FBXO42: variants seen among roughly 807,000 people sequenced by gnomAD.
FBXO42 encodes F-box protein 42, also known as F-box only protein 42.
In FBXO42, 12 loss-of-function variants were observed where a neutral mutation model predicts 71.7. The observed-to-expected ratio is 0.17, with a 90% confidence interval of 0.11 to 0.27. FBXO42 has a LOEUF of 0.27. FBXO42 is among the 10% of genes least tolerant of loss of function. FBXO42 has a pLI of 1.00. For synonymous variants in FBXO42, 325 were observed against 327.5 expected, an observed-to-expected ratio of 0.99 and a Z score of 0.08; for missense variants, 707 against 911.9, an observed-to-expected ratio of 0.78 and a Z score of 2.89.
intron 7 of FBXO42, chr1:16,253,357 G>T: frequency 3.3e-6 from 2 of 600,800 alleles, no homozygotes; most frequent in South Asian, 4.3e-5. Context: ...TACATTCTTT[G>T]TTGATCAAAT....
chr1:16,277,374 CT>C (rs910747790), intron 4 of FBXO42, among the ~76,000 whole-genome samples: 1 of 151,444 alleles, frequency 6.6e-6, no homozygotes, highest in East Asian at 1.9e-4. Flanking sequence ...ATACATCATT[CT>C]TTTTTTTTCT....
At chr1:16,274,322 A>AAAAAG (rs542819955) in intron 4 of FBXO42, among the ~76,000 whole-genome samples, 3 of 152,076 alleles carry the variant, frequency 2.0e-5, no homozygotes, top group Admixed American at 6.6e-5. Flanking sequence ...AACACAAAAA[A>AAAAAG]AAAAGAAAAG....
In FBXO42 at chr1:16,253,446, G is replaced by A. The variant is rs1336225392; in HGVS notation, c.864+189C>T. 4 of 606,572 alleles carry A rather than the reference G, an allele frequency of 6.6e-6. No individual in the cohort carries two copies. The East Asian group carries it at 8.5e-5, about 13-fold the overall frequency. 37.6% of individuals were successfully genotyped at this position (606,572 alleles called of 1,614,324 possible). A position where few individuals can be genotyped will look rare whatever the true frequency, so the allele number is the denominator to read the frequency against. ...AGCAAAGTAAATGCTTTGGGGAGGA[G>A]CATAATATAAAACCACTATAAATAA... is the stretch of plus-strand genomic sequence containing the variant. On this transcript the variant is annotated intron_variant, in intron 7 of 9. Transcript: ENST00000375592.
chr1:16,328,193 A>G (rs1373635751), intron 1 of FBXO42, among the ~76,000 whole-genome samples: 1 of 152,116 alleles, frequency 6.6e-6, no homozygotes, highest in East Asian at 1.9e-4. Context: ...AAAACCACTT[A>G]CTCAGGAGGC....
intron 4 of FBXO42, among the ~76,000 whole-genome samples, chr1:16,288,249 G>C (rs1007988764): frequency 6.6e-6 from 1 of 151,764 alleles, no homozygotes; most frequent in Non-Finnish European, 1.5e-5. Context: ...GGCCAACATG[G>C]TGAAACCCCA....
At chr1:16,269,777 G>A (rs1432381660) in intron 4 of FBXO42, among the ~76,000 whole-genome samples, 1 of 151,846 alleles carries the variant, frequency 6.6e-6, no homozygotes, top group Non-Finnish European at 1.5e-5. Flanking sequence ...CGCCTACCTC[G>A]GCCTCCCAAA....
chr1:16,335,063 C>CAAAAAAAAAA (rs55983316), intron 1 of FBXO42, among the ~76,000 whole-genome samples: 13 of 69,024 alleles, frequency 1.9e-4, no homozygotes, highest in East Asian at 9.0e-4. Context: ...CTCGTCTGTA[C>CAAAAAAAAAA]AAAAAAAAAA....
chr1:16,347,201 G>GAA (rs1347301692), intron 1 of FBXO42, among the ~76,000 whole-genome samples: 4 of 152,040 alleles, frequency 2.6e-5, no homozygotes, highest in Non-Finnish European at 5.9e-5. Context: ...GCAAAACACT[G>GAA]GAAAAAATTA....
Position 16,255,840 on chromosome 1 carries a change from A to T in FBXO42, c.657-19T>A. 1 of 1,585,160 alleles carries T rather than the reference A, an allele frequency of 6.3e-7. No individual in the cohort carries two copies. ...GTTCCACCTAATGTAAAAAGACAGG[A>T]GGAAGTCAAGAAGTCAGCACCACAC... On this transcript the variant is annotated intron_variant, in intron 5 of 9. Coordinates refer to ENST00000375592, the MANE Select transcript of FBXO42 (RefSeq NM_018994.3).
intron 4 of FBXO42, among the ~76,000 whole-genome samples, chr1:16,263,237 C>T (rs1003713700): frequency 5.3e-5 from 8 of 150,222 alleles, no homozygotes; most frequent in African/African-American, 9.8e-5. Context: ...CTGAGGCGGG[C>T]GGATCACGAG....
chr1:16,351,997 G>A (rs1322913991), intron 1 of FBXO42, among the ~76,000 whole-genome samples: 1 of 152,116 alleles, frequency 6.6e-6, no homozygotes, highest in Non-Finnish European at 1.5e-5. Flanking sequence ...CCCGGGTGAG[G>A]GGACGAGAAC....
intron 1 of FBXO42, among the ~76,000 whole-genome samples, chr1:16,334,501 A>C (rs1234092159): frequency 1.3e-5 from 2 of 152,096 alleles, no homozygotes; most frequent in Non-Finnish European, 2.9e-5. Flanking sequence ...CTTGGAGCAA[A>C]AGGCCAGTGA....
chr1:16,251,386 G>C lies in FBXO42; in HGVS notation c.1438C>G (p.Leu480Val), dbSNP rs565038782. 1 of 1,614,114 alleles carries C rather than the reference G, an allele frequency of 6.2e-7. No homozygotes were observed. The highest frequency in any genetic ancestry group is 1.1e-5 in the South Asian group (1 of 91,082). The change falls in exon 10 of 10, where the codon CTT (leucine) becomes GTT (valine). Residue 480 changes from leucine (L) to valine (V), a missense_variant. Around this residue, in one of 5 missense-constraint regions of FBXO42, gnomAD observed 482 missense variants for 587.1 expected, o/e 0.82. Transcript: ENST00000375592. The surrounding 1 kb of genome is among the most constrained non-coding windows in gnomAD (Gnocchi z 4.5). Reference sequence around the variant, plus strand: ...GATCCTCGTCGGGGGGCCAAAGAAAGTCCTATTTTCAGGTCGTATCCTTCA... The same window carrying C: ...GATCCTCGTCGGGGGGCCAAAGAAACTCCTATTTTCAGGTCGTATCCTTCA... ...APEGYDLKIG[L>V]SLAPRRGSLP...
chr1:16,274,186 A>G (rs6680049), intron 4 of FBXO42, among the ~76,000 whole-genome samples: 52,914 of 149,982 alleles, frequency 0.35, 9,686 homozygotes, highest in African/African-American at 0.41. Context: ...TGCATCTGCA[A>G]TCCCAGCTAC....
At position 16,251,513 on chromosome 1, in the gene FBXO42, A is replaced by G. The variant is rs2081591462; in HGVS notation, c.1311T>C (p.Pro437=). 2 of 1,614,042 alleles carry G rather than the reference A, an allele frequency of 1.2e-6. No individual in the cohort carries two copies. Among genetic ancestry groups the G allele is most frequent in the East Asian group, 2.2e-5 (1 of 44,892 alleles). ...SLSPARGDGS[P]ILNGGSLSPG... The stretch of plus-strand genomic sequence containing the variant: ...GAGACAAACTCCCACCATTGAGGAT[A>G]GGAGAGCCGTCTCCTCTGGCTGGGG... Residue 437 remains proline, a synonymous_variant, in exon 10 of 10, where the codon CCT becomes CCC. Transcript: ENST00000375592. The surrounding 1 kb of genome is among the most constrained non-coding windows in gnomAD (Gnocchi z 4.5).
chr1:16,349,055 T>C (rs1478060975), intron 1 of FBXO42, among the ~76,000 whole-genome samples: 1 of 152,190 alleles, frequency 6.6e-6, no homozygotes, highest in Non-Finnish European at 1.5e-5. Flanking sequence ...CCAAGACTGC[T>C]GGATTTTTGA....
Position 16,297,824 on chromosome 1 carries a change from G to A in FBXO42, c.368-2907C>T, listed in dbSNP as rs561124560. ...GGAGCTTGCAGTGAGCCAAGATCCC[G>A]CCACCGCACTCCAGCCTGGGCGACA... On this transcript the variant is annotated intron_variant, in intron 3 of 9. Transcript: ENST00000375592. Among the ~76,000 whole-genome samples, 13 of 142,906 alleles carry A rather than the reference G, an allele frequency of 9.1e-5. No individual in the cohort carries two copies. In the South Asian group the frequency reaches 1.5e-3, roughly 17 times the overall value. The allele number at this position is 142,906 out of a possible 152,430, so 93.8% of individuals were successfully genotyped here.
At position 16,339,310 on chromosome 1, in the gene FBXO42, G is replaced by T. The variant is rs539451480; in HGVS notation, c.-18+12945C>A. On this transcript the variant is annotated intron_variant, in intron 1 of 9. Transcript: ENST00000375592. Reference sequence around the variant, plus strand: ...TGTCACACTATTTCATATTGTTATAGTTTTTTTGTTTTTGTTTTTTTGAGA... The same window carrying T: ...TGTCACACTATTTCATATTGTTATATTTTTTTTGTTTTTGTTTTTTTGAGA... Among the ~76,000 whole-genome samples, 7 of 151,760 alleles carry T rather than the reference G, an allele frequency of 4.6e-5. No individual in the cohort carries two copies. In the East Asian group the frequency reaches 1.4e-3, roughly 29 times the overall value.
intron 4 of FBXO42, among the ~76,000 whole-genome samples, chr1:16,277,165 A>T (rs1040130588): frequency 6.6e-6 from 1 of 152,244 alleles, no homozygotes; most frequent in Admixed American, 6.5e-5. Flanking sequence ...AATAGAAGCT[A>T]GGAGTATATT....
Sources: gnomAD v4.1 joint callset for allele counts (sites outside exome capture counted in the v4.1 genomes callset) on GRCh38, gnomAD v4.1.1 for gene constraint, gnomAD v4.1.1 regional missense constraint, Gnocchi (gnomAD v3.1) non-coding constraint, MANE v1.5 for transcripts, NCBI Gene and HGNC (gene_info 2026-07-23, HGNC 2026-07-21) for gene names.